ARID1A: variants seen among roughly 807,000 people sequenced by gnomAD.
The protein encoded by ARID1A is AT-rich interaction domain 1A.
Under a neutral mutation model 212.6 loss-of-function variants are expected in ARID1A, and 20 were observed. The ratio of observed to expected loss-of-function variants is 0.09; its 90% CI spans 0.07 to 0.14. ARID1A has a LOEUF of 0.14. ARID1A is among the 10% of genes least tolerant of loss of function. The probability of loss-of-function intolerance (pLI) is 1.00; values close to 1 mark genes in which losing one functional copy is unlikely to be tolerated. For synonymous variants in ARID1A, 1,376 were observed against 1,222.1 expected (o/e 1.13, Z -2.63); for missense variants, 2,587 against 3,059.0 (o/e 0.85, Z 3.64).
rs2080273020 is a variant in ARID1A, at chr1:26,697,063, C to T, written c.660C>T (p.Ser220=). ...HQYNSYYPNR[S]AYPPPAPAYA... is the part of the protein sequence containing the mutation. The stretch of plus-strand genomic sequence containing the variant: ...ACAACTCCTACTACCCCAACCGCAG[C>T]GCCTACCCCCCGCCCGCCCCGGCCT... The change falls in exon 1 of 20, where the codon AGC becomes AGT. Residue 220 remains serine, a synonymous_variant. Transcript: ENST00000324856. 1.3e-6 allele frequency: 2 copies of T among 1,516,278 alleles called. No individual in the cohort carries two copies. The highest frequency in any genetic ancestry group is 1.8e-6 in the Non-Finnish European group (2 of 1,136,948). 93.9% of individuals were successfully genotyped at this position (1,516,278 alleles called of 1,614,324 possible).
intron 1 of ARID1A, among the ~76,000 whole-genome samples, chr1:26,724,133 T>C (rs1178303813): frequency 1.3e-5 from 2 of 152,154 alleles, no homozygotes; most frequent in Non-Finnish European, 2.9e-5. Context: ...CAGGAATAAA[T>C]TGAAAGCACA....
chr1:26,736,553 C>T (rs1282344499), intron 4 of ARID1A, among the ~76,000 whole-genome samples: 2 of 148,724 alleles, frequency 1.3e-5, no homozygotes, highest in African/African-American at 5.0e-5. Context: ...TGCTTGAACC[C>T]GGGAGGCGGA....
intron 4 of ARID1A, among the ~76,000 whole-genome samples, chr1:26,735,922 A>G (rs2080724887): frequency 6.6e-6 from 1 of 152,160 alleles, no homozygotes; most frequent in African/African-American, 2.4e-5. Flanking sequence ...CTTTCAGACT[A>G]TATCTTAAAG....
At chr1:26,706,328 C>G (rs1298790801) in intron 1 of ARID1A, among the ~76,000 whole-genome samples, 1 of 152,140 alleles carries the variant, frequency 6.6e-6, no homozygotes, top group African/African-American at 2.4e-5. Context: ...TAAACTTGTT[C>G]GTTTTCAGCT....
At position 26,780,660 on chromosome 1, in the gene ARID1A, C is replaced by T. The variant is rs139585602; in HGVS notation, c.6762C>T (p.Tyr2254=). Residue 2254 remains tyrosine (Y), a synonymous_variant, in exon 20 of 20, where the codon TAC becomes TAT. Coordinates refer to ENST00000324856, the MANE Select transcript of ARID1A (RefSeq NM_006015.6). The surrounding 1 kb of genome is among the most constrained non-coding windows in gnomAD (Gnocchi z 7.2). ...VDENHSEFTL[Y]ESRLLDISVS... is the part of the protein sequence containing the mutation. ...AGAACCACTCAGAGTTTACTCTGTA[C>T]GAATCACGGCTGTTGGACATCTCGG... The T allele has an allele frequency of 1.6e-5, 26 of 1,609,084 alleles. No individual in the cohort carries two copies. In the African/African-American group the frequency reaches 2.7e-4, roughly 17 times the overall value.
At chr1:26,775,552 T>C (rs1472047475) in intron 18 of ARID1A, 25 bp from the exon 19 acceptor site, 1 of 1,613,192 alleles carries the variant, frequency 6.2e-7, no homozygotes, top group East Asian at 2.2e-5. Flanking sequence ...GCTTGGTGGA[T>C]AGACGACATG....
intron 4 of ARID1A, among the ~76,000 whole-genome samples, chr1:26,756,586 A>G: frequency 6.6e-6 from 1 of 151,390 alleles, no homozygotes; most frequent in African/African-American, 2.4e-5. Flanking sequence ...AAACAAAAAA[A>G]CACACACAAA....
intron 4 of ARID1A, among the ~76,000 whole-genome samples, chr1:26,755,546 CAGATGCCTCCAGAGTTCTG>C (rs1290149348): frequency 6.6e-6 from 1 of 152,212 alleles, no homozygotes; most frequent in African/African-American, 2.4e-5. Flanking sequence ...TTGCCAGCCA[CAGATGCCTCCAGAGTTCTG>C]AGACCCCAGC....
At chr1:26,712,366 CTTCTT>C (rs959923006) in intron 1 of ARID1A, among the ~76,000 whole-genome samples, 1 of 152,088 alleles carries the variant, frequency 6.6e-6, no homozygotes, top group Non-Finnish European at 1.5e-5. Flanking sequence ...CCTTGTGTCT[CTTCTT>C]GTGAAGTTTT....
rs1449463853 is a variant in ARID1A, at chr1:26,760,960, T to C, written c.2025T>C (p.Asn675=). Residue 675 remains asparagine, a synonymous_variant, in exon 5 of 20, where the codon AAT becomes AAC. Transcript: ENST00000324856. ...GISSSQGEQS[N]PAQSPFSPHT... Reference sequence around the variant, plus strand: ...CCAGCAGCCAAGGAGAGCAGAGTAATCCAGCTCAGTCTCCTTTCTCTCCTC... The same window carrying C: ...CCAGCAGCCAAGGAGAGCAGAGTAACCCAGCTCAGTCTCCTTTCTCTCCTC... 6.2e-7 allele frequency: 1 copy of C among 1,614,036 alleles called. No individual in the cohort carries two copies.
chr1:26,774,018 C>A lies in ARID1A; in HGVS notation c.4101+120C>A. 1 of 1,329,468 alleles carries A rather than the reference C, an allele frequency of 7.5e-7. No homozygotes were observed. The highest frequency in any genetic ancestry group is 1.0e-6 in the Non-Finnish European group (1 of 953,998). The allele number at this position is 1,329,468 out of a possible 1,614,324, so 82.4% of individuals were successfully genotyped here. A position where few individuals can be genotyped will look rare whatever the true frequency, so the allele number is the denominator to read the frequency against. ...TTTAGATATTTTGGCATTCTTCTCT[C>A]ACCTGACTGGCCAGTCCTGCCTGAA... On this transcript the variant is annotated intron_variant, in intron 17 of 19. Transcript: ENST00000324856. This position sits in a 1 kb window ranked among gnomAD's most constrained non-coding sequence, Gnocchi z 5.6.
chr1:26,710,928 C>T (rs571161653), intron 1 of ARID1A, among the ~76,000 whole-genome samples: 1 of 152,208 alleles, frequency 6.6e-6, no homozygotes, highest in Admixed American at 6.5e-5. Flanking sequence ...ATACCATAGA[C>T]GAGGTGGCTT....
intron 10 of ARID1A, 110 bp from the exon 11 acceptor site, chr1:26,767,680 C>T: frequency 4.4e-6 from 5 of 1,134,490 alleles, no homozygotes; most frequent in Non-Finnish European, 6.1e-6. Context: ...TGTTAGTAAC[C>T]ACCCCAGAGT....
intron 8 of ARID1A, among the ~76,000 whole-genome samples, 173 bp downstream of exon 8, chr1:26,763,458 A>G (rs918609254): frequency 6.6e-6 from 1 of 152,214 alleles, no homozygotes; most frequent in African/African-American, 2.4e-5. Flanking sequence ...ACTAAACATC[A>G]TATGTAATGA....
chr1:26,771,100 CTTTGG>C lies in ARID1A; in HGVS notation c.3199-11_3199-7del, dbSNP rs1159977561. ...CCAGGCGGGAGATATACCTCGACTCCTTTGGTTTGGTTATACAGGTCAACAAGAAC... is the reference window on the plus strand; with the variant it reads ...CCAGGCGGGAGATATACCTCGACTCCTTTGGTTATACAGGTCAACAAGAAC... On this transcript the variant is annotated splice_polypyrimidine_tract_variant and intron_variant, in intron 11 of 19. Coordinates refer to ENST00000324856, the MANE Select transcript of ARID1A (RefSeq NM_006015.6). The surrounding 1 kb of genome is among the most constrained non-coding windows in gnomAD (Gnocchi z 5.4). 1 of 1,613,710 alleles carries C rather than the reference CTTTGG, an allele frequency of 6.2e-7. No individual in the cohort carries two copies.
At position 26,774,019 on chromosome 1, in the gene ARID1A, ACC is replaced by A; in HGVS notation, c.4101+122_4101+123del. ...TTAGATATTTTGGCATTCTTCTCTC[ACC>A]TGACTGGCCAGTCCTGCCTGAAGAG... On this transcript the variant is annotated intron_variant, in intron 17 of 19. Coordinates refer to ENST00000324856, the MANE Select transcript of ARID1A (RefSeq NM_006015.6). This position sits in a 1 kb window ranked among gnomAD's most constrained non-coding sequence, Gnocchi z 5.6. 7.6e-7 allele frequency: 1 copy of A among 1,320,716 alleles called. No homozygotes were observed. Among genetic ancestry groups the A allele is most frequent in the Non-Finnish European group, 1.1e-6 (1 of 948,574 alleles). The allele number at this position is 1,320,716 out of a possible 1,614,324, so 81.8% of individuals were successfully genotyped here. A position where few individuals can be genotyped will look rare whatever the true frequency, so the allele number is the denominator to read the frequency against.
rs533742167 is a variant in ARID1A, at chr1:26,722,143, T to C, written c.1138-7508T>C. Among the ~76,000 whole-genome samples, 10 of 152,322 alleles carry C rather than the reference T, an allele frequency of 6.6e-5. 1 individual carries two copies. In the South Asian group the frequency reaches 1.2e-3, roughly 19 times the overall value. On this transcript the variant is annotated intron_variant, in intron 1 of 19. Coordinates refer to ENST00000324856, the MANE Select transcript of ARID1A (RefSeq NM_006015.6). ...CAGGCTAGTGCTTCAGGGGATATCA[T>C]TGGAATGGGCTAAGTCTGCAAAGGG...
intron 1 of ARID1A, among the ~76,000 whole-genome samples, chr1:26,714,007 C>A (rs1249117536): frequency 6.6e-6 from 1 of 152,170 alleles, no homozygotes; most frequent in African/African-American, 2.4e-5. Flanking sequence ...GCTCACCCAG[C>A]CAAACACATT....
rs938692927 is a variant in ARID1A at position 26,763,027 on chromosome 1, G to A, written c.2474G>A (p.Ser825Asn). Residue 825 changes from serine to asparagine, a missense_variant, in exon 8 of 20, where the codon AGT becomes AAT. Coordinates refer to ENST00000324856, the MANE Select transcript of ARID1A (RefSeq NM_006015.6). ...GCCTTGCCCAATGCCAACTACCCCA[G>A]TGCAGGCATGGCTGGAGGCATAAAC... is the stretch of plus-strand genomic sequence containing the variant. The part of the protein sequence containing the change: ...YNALPNANYP[S>N]AGMAGGINPM... 2 of 1,613,074 alleles carry A rather than the reference G, an allele frequency of 1.2e-6. No homozygotes were observed. Among genetic ancestry groups the A allele is most frequent in the Non-Finnish European group, 1.7e-6 (2 of 1,179,112 alleles).
Sources: allele counts gnomAD v4.1 joint callset (sites outside exome capture counted in the v4.1 genomes callset), GRCh38; gene constraint gnomAD v4.1.1; non-coding constraint Gnocchi (gnomAD v3.1); transcripts MANE v1.5; gene names NCBI Gene and HGNC (gene_info 2026-07-23, HGNC 2026-07-21).